RBFOX1: variants seen among roughly 807,000 people sequenced by gnomAD.
RBFOX1 encodes the protein RNA binding fox-1 homolog 1, also known as RNA binding protein fox-1 homolog 1.
RBFOX1 carries 8 observed loss-of-function variants against 57.7 expected under a neutral mutation model. That is an observed-to-expected ratio of 0.14 (90% CI 0.08 to 0.25). The LOEUF (loss-of-function observed/expected upper bound fraction) is 0.25, where lower values mean the gene tolerates loss of function less well. Ranked by LOEUF, RBFOX1 falls within the 10% of genes least tolerant of loss-of-function variation. The pLI is 1.00. For synonymous variants in RBFOX1, 326 were observed against 222.4 expected, an observed-to-expected ratio of 1.47 and a Z score of -4.15; for missense variants, 611 against 548.5, an observed-to-expected ratio of 1.11 and a Z score of -1.14.
At chr16:6,689,761 G>A (rs1568226738) in intron 3 of RBFOX1, among the ~76,000 whole-genome samples, 2 of 152,310 alleles carry the variant, frequency 1.3e-5, no homozygotes, top group South Asian at 4.2e-4. Context: ...TAAACAGAGA[G>A]CCCAGCTGTT....
chr16:7,282,171 C>T (rs947210779), intron 4 of RBFOX1, among the ~76,000 whole-genome samples: 4 of 152,156 alleles, frequency 2.6e-5, no homozygotes, highest in African/African-American at 9.7e-5. Flanking sequence ...CCGACTAAAG[C>T]GATGTCTGAA....
chr16:7,355,062 G>C (rs1206352535), intron 4 of RBFOX1, among the ~76,000 whole-genome samples: 2 of 152,124 alleles, frequency 1.3e-5, no homozygotes, highest in African/African-American at 4.8e-5. Flanking sequence ...AACGCATGAG[G>C]TCTTAGTTAA....
At chr16:6,360,840 C>T (rs2088341478) in intron 2 of RBFOX1, among the ~76,000 whole-genome samples, 1 of 152,134 alleles carries the variant, frequency 6.6e-6, no homozygotes. Context: ...AATGGCGCCC[C>T]CTACAGTTGT....
chr16:6,709,699 A>C (rs1268014601), intron 3 of RBFOX1, among the ~76,000 whole-genome samples: 2 of 152,108 alleles, frequency 1.3e-5, no homozygotes, highest in African/African-American at 4.8e-5. Context: ...TATTGTAATT[A>C]CAGTGTTGCG....
rs74005142 is a variant in RBFOX1 at position 6,127,754 on chromosome 16, G to A, written c.-127+107762G>A. The stretch of plus-strand genomic sequence containing the variant: ...TTCAACACTCCGGGAAAAATGGGAT[G>A]TTAATAACAAATTCTCAGTTGAGTG... On this transcript the variant is annotated intron_variant, in intron 1 of 15. Transcript: ENST00000550418. Among the ~76,000 whole-genome samples the A allele has an allele frequency of 1.9e-3, 292 of 152,306 alleles. 4 individuals are homozygous for A. The highest frequency in any genetic ancestry group is 6.2e-3 in the African/African-American group (259 of 41,572).
At chr16:7,696,821 G>A (rs1217479146) in intron 14 of RBFOX1, among the ~76,000 whole-genome samples, 5 of 152,166 alleles carry the variant, frequency 3.3e-5, no homozygotes, top group South Asian at 4.1e-4. Flanking sequence ...GTCTGAGGGG[G>A]TAACATTTGA....
intron 1 of RBFOX1, among the ~76,000 whole-genome samples, chr16:6,076,191 C>G (rs2095897032): frequency 1.3e-5 from 2 of 151,794 alleles, no homozygotes; most frequent in Middle Eastern, 3.4e-3. Context: ...CCCAGCTACT[C>G]GGGAGGCTGA....
At chr16:6,272,122 A>G (rs966745386) in intron 1 of RBFOX1, among the ~76,000 whole-genome samples, 1 of 152,192 alleles carries the variant, frequency 6.6e-6, no homozygotes, top group Admixed American at 6.5e-5. Flanking sequence ...TATTTCGGGG[A>G]TGTTAACACT....
chr16:7,483,996 A>G (rs2064714743), intron 4 of RBFOX1, among the ~76,000 whole-genome samples: 1 of 152,182 alleles, frequency 6.6e-6, no homozygotes, highest in South Asian at 2.1e-4. Flanking sequence ...TTTTCAGTCT[A>G]TTCTGCCCCC....
chr16:7,319,619 A>T (rs889460032), intron 4 of RBFOX1, among the ~76,000 whole-genome samples: 3 of 152,078 alleles, frequency 2.0e-5, no homozygotes, highest in African/African-American at 7.2e-5. Context: ...CTCAGAAGAG[A>T]TTTCAGCATC....
intron 1 of RBFOX1, among the ~76,000 whole-genome samples, chr16:6,022,761 G>A (rs1285337331): frequency 6.6e-6 from 1 of 152,172 alleles, no homozygotes; most frequent in Non-Finnish European, 1.5e-5. Context: ...GTATTTAATT[G>A]TATAAACATA....
intron 1 of RBFOX1, among the ~76,000 whole-genome samples, chr16:6,046,271 T>G (rs2095494455): frequency 1.3e-5 from 2 of 152,142 alleles, no homozygotes; most frequent in East Asian, 3.9e-4. Flanking sequence ...GGATATACTT[T>G]TTGTGATAAC....
At chr16:7,373,290 C>G (rs1192899888) in intron 4 of RBFOX1, among the ~76,000 whole-genome samples, 1 of 152,086 alleles carries the variant, frequency 6.6e-6, no homozygotes, top group Non-Finnish European at 1.5e-5. Flanking sequence ...ACCTAAGGAA[C>G]ATACGTTACA....
intron 3 of RBFOX1, among the ~76,000 whole-genome samples, chr16:7,025,917 C>G (rs1381779175): frequency 6.6e-6 from 1 of 152,158 alleles, no homozygotes; most frequent in Admixed American, 6.5e-5. Flanking sequence ...ATGCCTAGAC[C>G]CCTCTCGGGA....
At chr16:7,192,971 C>A (rs529311637) in intron 4 of RBFOX1, among the ~76,000 whole-genome samples, 1 of 152,172 alleles carries the variant, frequency 6.6e-6, no homozygotes, top group Admixed American at 6.5e-5. Flanking sequence ...TGTCGACAGA[C>A]ATCTTTGGGT....
chr16:7,171,390 C>G (rs568503025), intron 4 of RBFOX1, among the ~76,000 whole-genome samples: 3 of 152,282 alleles, frequency 2.0e-5, no homozygotes, highest in Admixed American at 2.0e-4. Flanking sequence ...TTGATGAATT[C>G]CTGCCACCGC....
chr16:7,238,283 A>T (rs193020697), intron 4 of RBFOX1, among the ~76,000 whole-genome samples: 2 of 152,260 alleles, frequency 1.3e-5, no homozygotes, highest in East Asian at 3.9e-4. Flanking sequence ...GCTGTGCAAC[A>T]CTGTGAATGT....
chr16:6,528,170 C>A (rs2096607652), intron 2 of RBFOX1, among the ~76,000 whole-genome samples: 1 of 152,110 alleles, frequency 6.6e-6, no homozygotes, highest in African/African-American at 2.4e-5. Flanking sequence ...TTGTCTTCGG[C>A]ACTTTTATCC....
chr16:6,894,980 C>G (rs1168967768), intron 3 of RBFOX1, among the ~76,000 whole-genome samples: 1 of 152,106 alleles, frequency 6.6e-6, no homozygotes, highest in African/African-American at 2.4e-5. Context: ...CCAGAACTAA[C>G]AGAGACTCTG....
Sources: gnomAD v4.1 joint callset for allele counts (sites outside exome capture counted in the v4.1 genomes callset) on GRCh38, gnomAD v4.1.1 for gene constraint, MANE v1.5 for transcripts, NCBI Gene and HGNC (gene_info 2026-07-23, HGNC 2026-07-21) for gene names.